The following AP3B1 variants were observed in gnomAD, a reference collection of about 807,000 sequenced individuals.
AP3B1 encodes AP-3 complex subunit beta-1.
Under a neutral mutation model 132.5 loss-of-function variants are expected in AP3B1, and 61 were observed. The ratio of observed to expected loss-of-function variants is 0.46; its 90% CI spans 0.37 to 0.57. AP3B1 has a LOEUF of 0.57. Among genes scored for constraint, AP3B1 ranks in the 20% least tolerant of loss-of-function variants. The pLI is 0.00. For missense variants in AP3B1, 1,120 were observed against 1,289.4 expected, an observed-to-expected ratio of 0.87 and a Z score of 2.01; for synonymous variants, 388 against 438.3, an observed-to-expected ratio of 0.89 and a Z score of 1.43.
intron 22 of AP3B1, among the ~76,000 whole-genome samples, chr5:78,062,645 C>T (rs1396967103): frequency 6.6e-6 from 1 of 152,212 alleles, no homozygotes; most frequent in Non-Finnish European, 1.5e-5. Context: ...AACAGGGACA[C>T]ACTTGAGAGC....
intron 6 of AP3B1, among the ~76,000 whole-genome samples, chr5:78,223,873 T>C (rs1254995967): frequency 2.0e-5 from 3 of 152,162 alleles, no homozygotes; most frequent in Non-Finnish European, 4.4e-5. Context: ...TGATATGCTG[T>C]ATCCTGTCTG....
At chr5:78,252,369 C>G (rs575373591) in intron 2 of AP3B1, among the ~76,000 whole-genome samples, 1 of 152,290 alleles carries the variant, frequency 6.6e-6, no homozygotes, top group South Asian at 2.1e-4. Context: ...GGGTAGAGCA[C>G]CAAGTGGGCT....
At chr5:78,168,013 G>GAAAAAAAAAAAAAAAA (rs149936824) in intron 11 of AP3B1, among the ~76,000 whole-genome samples, 1 of 110,794 alleles carries the variant, frequency 9.0e-6, no homozygotes. Context: ...AAAACCTACT[G>GAAAAAAAAAAAAAAAA]AAAAAAAAAA....
chr5:78,183,456 C>G (rs1349388406), intron 7 of AP3B1, among the ~76,000 whole-genome samples: 1 of 151,976 alleles, frequency 6.6e-6, no homozygotes, highest in Non-Finnish European at 1.5e-5. Context: ...ATGCCAATAC[C>G]AAGATAATAG....
intron 13 of AP3B1, among the ~76,000 whole-genome samples, chr5:78,159,419 G>A (rs1293972620): frequency 2.0e-5 from 3 of 152,096 alleles, no homozygotes; most frequent in Admixed American, 6.5e-5. Flanking sequence ...GTCTAACATA[G>A]GTCTTATGGG....
At chr5:78,248,076 T>A (rs1297416988) in intron 2 of AP3B1, among the ~76,000 whole-genome samples, 1 of 152,244 alleles carries the variant, frequency 6.6e-6, no homozygotes. Flanking sequence ...TCAAACAGCA[T>A]ATCTTTAACT....
chr5:78,166,285 C>T (rs1254295888), intron 11 of AP3B1, among the ~76,000 whole-genome samples: 9 of 152,068 alleles, frequency 5.9e-5, no homozygotes, highest in Non-Finnish European at 1.2e-4. Context: ...GAAAACAATT[C>T]GGAAAAGGAG....
Position 78,197,180 on chromosome 5 carries a change from CTTATTT to C in AP3B1, c.787-15524_787-15519del, listed in dbSNP as rs541814007. ...CTTATAACTGCTCCAAAAAATAAAG[CTTATTT>C]TTATTTTTAAGAAAGCAGTGAGTTT... On this transcript the variant is annotated intron_variant, in intron 7 of 26. Transcript: ENST00000255194. Among the ~76,000 whole-genome samples the C allele has an allele frequency of 2.9e-3, 447 of 151,936 alleles. 1 individual carries two copies. Among genetic ancestry groups the C allele is most frequent in the African/African-American group, 0.01 (417 of 41,458 alleles).
chr5:78,189,486 CTA>C (rs1298563355), intron 7 of AP3B1, among the ~76,000 whole-genome samples: 4 of 152,104 alleles, frequency 2.6e-5, no homozygotes, highest in African/African-American at 9.7e-5. Flanking sequence ...CGATGAATCA[CTA>C]TCTTATTAAA....
intron 1 of AP3B1, among the ~76,000 whole-genome samples, chr5:78,285,215 C>G (rs1749224105): frequency 6.6e-6 from 1 of 151,330 alleles, no homozygotes; most frequent in Non-Finnish European, 1.5e-5. Flanking sequence ...CGCCACTGCA[C>G]TCCAGCCTGG....
At chr5:78,106,804 C>T (rs1344694151) in intron 20 of AP3B1, among the ~76,000 whole-genome samples, 1 of 152,088 alleles carries the variant, frequency 6.6e-6, no homozygotes, top group Non-Finnish European at 1.5e-5. Flanking sequence ...AATTCTGGGG[C>T]TTCAGATCTG....
chr5:78,197,890 T>C (rs1457172881), intron 7 of AP3B1, among the ~76,000 whole-genome samples: 2 of 152,192 alleles, frequency 1.3e-5, no homozygotes, highest in Non-Finnish European at 2.9e-5. Context: ...ACTTCTAGTA[T>C]TAATAAAACA....
At chr5:78,232,801 G>T in intron 3 of AP3B1, among the ~76,000 whole-genome samples, 1 of 152,090 alleles carries the variant, frequency 6.6e-6, no homozygotes, top group East Asian at 1.9e-4. Context: ...CTGCCTCCTG[G>T]GTTCAAATGA....
intron 17 of AP3B1, among the ~76,000 whole-genome samples, chr5:78,119,761 A>C (rs1266302548): frequency 6.6e-6 from 1 of 152,198 alleles, no homozygotes; most frequent in Non-Finnish European, 1.5e-5. Flanking sequence ...GTGGGAAAAC[A>C]CTCTGCAGGA....
At chr5:78,196,800 T>C (rs1260431832) in intron 7 of AP3B1, among the ~76,000 whole-genome samples, 1 of 152,194 alleles carries the variant, frequency 6.6e-6, no homozygotes, top group Non-Finnish European at 1.5e-5. Flanking sequence ...ATTCCAGCTA[T>C]ATGATATTTT....
At chr5:78,156,133 A>G (rs1743138229) in intron 14 of AP3B1, 125 bp downstream of exon 14, 1 of 709,988 alleles carries the variant, frequency 1.4e-6, no homozygotes, top group Admixed American at 2.3e-5. Context: ...AAATCTTAGA[A>G]TCTCAGAATT....
chr5:78,098,763 GC>G (rs1278914387), intron 21 of AP3B1, among the ~76,000 whole-genome samples: 2 of 152,178 alleles, frequency 1.3e-5, no homozygotes, highest in Non-Finnish European at 2.9e-5. Context: ...ACTGCCAGGA[GC>G]CACTCTGTAC....
intron 1 of AP3B1, among the ~76,000 whole-genome samples, chr5:78,271,721 A>G (rs1748552744): frequency 6.6e-6 from 1 of 152,200 alleles, no homozygotes; most frequent in African/African-American, 2.4e-5. Context: ...AAGGGGCCTG[A>G]GGAGTCCTGC....
At chr5:78,205,420 C>CAT (rs370283868) in intron 7 of AP3B1, among the ~76,000 whole-genome samples, 4 of 151,316 alleles carry the variant, frequency 2.6e-5, no homozygotes, top group Non-Finnish European at 5.9e-5. Context: ...AAGATGGAAT[C>CAT]ATATATATAT....
Sources: allele counts gnomAD v4.1 joint callset (sites outside exome capture counted in the v4.1 genomes callset), GRCh38; gene constraint gnomAD v4.1.1; transcripts MANE v1.5; gene names NCBI Gene and HGNC (gene_info 2026-07-23, HGNC 2026-07-21).